The following TOP2B variants were observed in gnomAD, a reference collection of about 807,000 sequenced individuals.
TOP2B encodes the protein DNA topoisomerase II beta.
Under a neutral mutation model 193.5 loss-of-function variants are expected in TOP2B, and 51 were observed. The observed-to-expected ratio is 0.26, with a 90% confidence interval of 0.21 to 0.33. The LOEUF is 0.33. Ranked by LOEUF, TOP2B falls within the 10% of genes least tolerant of loss-of-function variation. TOP2B has a pLI of 1.00. For synonymous variants in TOP2B, 634 were observed against 635.7 expected (o/e 1.00, Z 0.04); for missense variants, 1,378 against 1,909.3 (o/e 0.72, Z 5.19).
rs541818610 is a variant in TOP2B, at chr3:25,638,870, T to C, written c.396-560A>G. 4.6e-5 allele frequency among the ~76,000 whole-genome samples: 7 copies of C among 152,318 alleles called. No individual in the cohort carries two copies. The South Asian group carries it at 1.5e-3, about 32-fold the overall frequency. On this transcript the variant is annotated intron_variant, in intron 4 of 35. Transcript: ENST00000264331. The stretch of plus-strand genomic sequence containing the variant: ...ATCTCTAAACAATTATTCAGAATTT[T>C]ATAACTTTGCTCCACTGATAATCTT...
intron 29 of TOP2B, 88 bp downstream of exon 29, chr3:25,609,480 G>GA: frequency 1.3e-6 from 2 of 1,498,922 alleles, no homozygotes; most frequent in Non-Finnish European, 8.9e-7. Context: ...TCAACTACCA[G>GA]AAAAAGAGCA....
intron 32 of TOP2B, 37 bp from the exon 33 acceptor site, chr3:25,604,907 T>A: frequency 6.8e-7 from 1 of 1,474,184 alleles, no homozygotes; most frequent in Non-Finnish European, 9.5e-7. Context: ...TAAAGAGATG[T>A]TATAAAGATC....
At chr3:25,655,570 A>C (rs1468864449) in intron 1 of TOP2B, among the ~76,000 whole-genome samples, 1 of 152,178 alleles carries the variant, frequency 6.6e-6, no homozygotes, top group African/African-American at 2.4e-5. Flanking sequence ...TCTCAAAGAG[A>C]TATTTGCACA....
In TOP2B at chr3:25,633,931, C is replaced by T; in HGVS notation, c.936G>A (p.Glu312=). Residue 312 remains glutamate (E), a synonymous_variant, in exon 8 of 36, where the codon GAG becomes GAA. Coordinates refer to ENST00000264331, the MANE Select transcript of TOP2B (RefSeq NM_001330700.2). The stretch of plus-strand genomic sequence containing the variant: ...AAACATCCCATCTTTCATTTGCAAG[C>T]TCATGAATAACTTTCAGGGCCACCC... ...ETGVALKVIH[E]LANERWDVCL... 1 of 1,613,176 alleles carries T rather than the reference C, an allele frequency of 6.2e-7. No homozygotes were observed.
Position 25,598,178 on chromosome 3 carries a change from C to T in TOP2B, c.*129G>A. On this transcript the variant is annotated 3_prime_UTR_variant, in exon 36 of 36. Transcript: ENST00000264331. ...TAAGAACAAAATGTTAAAAGGCCTA[C>T]CACAATAATAAAAAACCGTCAATTA... 1.0e-6 allele frequency: 1 copy of T among 985,230 alleles called. No individual in the cohort carries two copies. Among genetic ancestry groups the T allele is most frequent in the Non-Finnish European group, 1.5e-6 (1 of 680,892 alleles). 61.0% of individuals were successfully genotyped at this position (985,230 alleles called of 1,614,324 possible). A position where few individuals can be genotyped will look rare whatever the true frequency, so the allele number is the denominator to read the frequency against.
intron 10 of TOP2B, among the ~76,000 whole-genome samples, chr3:25,631,949 A>C (rs1179148090): frequency 1.3e-5 from 2 of 152,084 alleles, no homozygotes; most frequent in Non-Finnish European, 2.9e-5. Context: ...TGATTGATTC[A>C]TCTCCATTAT....
At chr3:25,643,974 C>T (rs1037530462) in intron 2 of TOP2B, among the ~76,000 whole-genome samples, 190 bp from the exon 3 acceptor site, 36 of 151,992 alleles carry the variant, frequency 2.4e-4, no homozygotes, top group Non-Finnish European at 4.6e-4. Context: ...AGAAATTGTT[C>T]ATTTTGTATC....
At chr3:25,642,414 T>G in intron 3 of TOP2B, 29 bp from the exon 4 acceptor site, 1 of 1,370,688 alleles carries the variant, frequency 7.3e-7, no homozygotes, top group Non-Finnish European at 1.0e-6. Flanking sequence ...CAATGAGTAA[T>G]ATACAAAATT....
intron 1 of TOP2B, among the ~76,000 whole-genome samples, chr3:25,661,521 G>C (rs577769194): frequency 8.5e-5 from 13 of 152,180 alleles, no homozygotes; most frequent in Non-Finnish European, 1.9e-4. Context: ...GAATGAACCA[G>C]ACTATTACTA....
Position 25,624,410 on chromosome 3 carries a change from C to G in TOP2B, c.2382G>C (p.Gln794His). 2 of 1,613,902 alleles carry G rather than the reference C, an allele frequency of 1.2e-6. No homozygotes were observed. Among genetic ancestry groups the G allele is most frequent in the Non-Finnish European group, 1.7e-6 (2 of 1,179,836 alleles). Residue 794 changes from glutamine (Q) to histidine (H), a missense_variant, in exon 20 of 36, where the codon CAG (glutamine) becomes CAC (histidine). Transcript: ENST00000264331. ...TAATGTTGTTACTTCCCACAAAGTTCTGAGCCAAATTCACAATAGTCATCA... is the reference window on the plus strand; with the variant it reads ...TAATGTTGTTACTTCCCACAAAGTTGTGAGCCAAATTCACAATAGTCATCA... ...ALMMTIVNLA[Q>H]NFVGSNNINL...
At chr3:25,655,645 G>T (rs1356901520) in intron 1 of TOP2B, among the ~76,000 whole-genome samples, 1 of 152,190 alleles carries the variant, frequency 6.6e-6, no homozygotes, top group Non-Finnish European at 1.5e-5. Context: ...GTTCACTGGT[G>T]TATGAATGGA....
In TOP2B at chr3:25,652,713, G is replaced by A. The variant is rs372926586; in HGVS notation, c.70-7243C>T. Among the ~76,000 whole-genome samples, 10 of 151,852 alleles carry A rather than the reference G, an allele frequency of 6.6e-5. 1 individual carries two copies. The highest frequency in any genetic ancestry group is 1.3e-4 in the Admixed American group (2 of 15,262). ...AACATTAACAATCAGTAAAGATCTC[G>A]AATTAACAACCTAACTTTAGACCCT... On this transcript the variant is annotated intron_variant, in intron 1 of 35. Coordinates refer to ENST00000264331, the MANE Select transcript of TOP2B (RefSeq NM_001330700.2).
At chr3:25,635,000 A>G (rs1238448330) in intron 7 of TOP2B, among the ~76,000 whole-genome samples, 1 of 152,084 alleles carries the variant, frequency 6.6e-6, no homozygotes, top group Non-Finnish European at 1.5e-5. Flanking sequence ...GTAATGAGAC[A>G]TTAGAGAACA....
Position 25,664,879 on chromosome 3 carries a change from C to T in TOP2B, c.-582G>A, listed in dbSNP as rs893764488. 3 of 991,572 alleles carry T rather than the reference C, an allele frequency of 3.0e-6. No homozygotes were observed. The highest frequency in any genetic ancestry group is 1.2e-6 in the Non-Finnish European group (1 of 833,192). 61.4% of individuals were successfully genotyped at this position (991,572 alleles called of 1,614,324 possible). A position where few individuals can be genotyped will look rare whatever the true frequency, so the allele number is the denominator to read the frequency against. ...CCGCCGCCGCCGCCACGGTCACCTC[C>T]CTCTTGTCCGGCATAACACCGCACA... On this transcript the variant is annotated 5_prime_UTR_variant, in exon 1 of 36. Coordinates refer to ENST00000264331, the MANE Select transcript of TOP2B (RefSeq NM_001330700.2).
At chr3:25,650,077 T>G (rs564455219) in intron 1 of TOP2B, among the ~76,000 whole-genome samples, 3 of 152,078 alleles carry the variant, frequency 2.0e-5, no homozygotes, top group Non-Finnish European at 4.4e-5. Context: ...ACAAAAAAAG[T>G]CAGAAGGAGC....
rs1435179959 is a variant in TOP2B, at chr3:25,664,254, C to T, written c.44G>A (p.Gly15Asp). 3 of 1,537,774 alleles carry T rather than the reference C, an allele frequency of 2.0e-6. No individual in the cohort carries two copies. The highest frequency in any genetic ancestry group is 2.6e-6 in the Non-Finnish European group (3 of 1,145,864). Reference sequence around the variant, plus strand: ...CACCCAGGTCAGTGCCCCGTTGCCGCCGCCCACGCCGGCTCCCGCGCCGCA... The same window carrying T: ...CACCCAGGTCAGTGCCCCGTTGCCGTCGCCCACGCCGGCTCCCGCGCCGCA... Reference protein sequence around the residue: ...GGCGAGAGVGGGNGALTWVTL... With the variant: ...GGCGAGAGVGDGNGALTWVTL... Residue 15 changes from glycine (G) to aspartate (D), a missense_variant, in exon 1 of 36, where the codon GGC (glycine) becomes GAC (aspartate). Physicochemically the swap from Gly to Asp is moderately conservative, Grantham distance 94. Coordinates refer to ENST00000264331, the MANE Select transcript of TOP2B (RefSeq NM_001330700.2).
intron 21 of TOP2B, among the ~76,000 whole-genome samples, chr3:25,622,173 G>GTGTATTTGAT (rs1559497839): frequency 1.3e-5 from 2 of 152,008 alleles, no homozygotes; most frequent in Admixed American, 6.6e-5. Flanking sequence ...TCACCACTTA[G>GTGTATTTGAT]CACAGTTTCA....
chr3:25,607,153 C>G lies in TOP2B; in HGVS notation c.4298+18G>C. On this transcript the variant is annotated intron_variant, in intron 31 of 35. Coordinates refer to ENST00000264331, the MANE Select transcript of TOP2B (RefSeq NM_001330700.2). ...TACAACAATTAACTATACCACATCA[C>G]TAAATAGCATTACTTACTCTGGAGT... is the stretch of plus-strand genomic sequence containing the variant. 5.0e-6 allele frequency: 8 copies of G among 1,611,822 alleles called. No individual in the cohort carries two copies. Among genetic ancestry groups the G allele is most frequent in the Non-Finnish European group, 6.8e-6 (8 of 1,178,984 alleles).
At chr3:25,623,024 T>C (rs966342404) in intron 21 of TOP2B, among the ~76,000 whole-genome samples, 2 of 152,178 alleles carry the variant, frequency 1.3e-5, no homozygotes, top group African/African-American at 4.8e-5. Flanking sequence ...GTGATCCATA[T>C]GCCTTGGCCT....
Sources: gnomAD v4.1 joint callset for allele counts (sites outside exome capture counted in the v4.1 genomes callset) on GRCh38, gnomAD v4.1.1 for gene constraint, MANE v1.5 for transcripts, NCBI Gene and HGNC (gene_info 2026-07-23, HGNC 2026-07-21) for gene names.